Variants in PLCH1 observed in about 807,000 individuals in gnomAD.
The protein encoded by PLCH1 is phospholipase C eta 1.
In PLCH1, 60 loss-of-function variants were observed where a neutral mutation model predicts 126.7. That is an observed-to-expected ratio of 0.47 (90% CI 0.38 to 0.59). The LOEUF is 0.59. PLCH1 is among the 20% of genes least tolerant of loss of function. The pLI is 0.00. For missense variants in PLCH1, 1,723 were observed against 2,040.0 expected, an observed-to-expected ratio of 0.84 and a Z score of 2.99; for synonymous variants, 719 against 734.9, an observed-to-expected ratio of 0.98 and a Z score of 0.35.
At chr3:155,711,733 A>C (rs1228538851) in intron 1 of PLCH1, among the ~76,000 whole-genome samples, 1 of 149,110 alleles carries the variant, frequency 6.7e-6, no homozygotes, top group Non-Finnish European at 1.5e-5. Context: ...AGAGTATTGC[A>C]TCCACTAGGC....
chr3:155,460,823 TAG>T (rs1560028434), intron 21 of PLCH1, among the ~76,000 whole-genome samples: 7 of 151,434 alleles, frequency 4.6e-5, no homozygotes, highest in African/African-American at 1.7e-4. Context: ...GATAGATAGA[TAG>T]ATAGATAGAT....
At chr3:155,452,676 T>G (rs1302704592) in intron 21 of PLCH1, among the ~76,000 whole-genome samples, 6 of 152,138 alleles carry the variant, frequency 3.9e-5, no homozygotes, top group Non-Finnish European at 1.5e-5. Context: ...ATAATACTTT[T>G]GAACATTTTG....
rs1732970474 is a variant in PLCH1 at position 155,596,260 on chromosome 3, T to C, written c.198A>G (p.Arg66=). The change falls in exon 3 of 23, where the codon CGA becomes CGG. Residue 66 remains arginine (R), a synonymous_variant. Transcript: ENST00000460012. ...TTGCCTTCTCACTCTTCCTAGAGGG[T>C]CGCCATCGGAGGCGTGTCCGGTGCT... is the stretch of plus-strand genomic sequence containing the variant. ...LDEHRTRLRW[R]PSRKSEKAKI... The C allele has an allele frequency of 6.2e-7, 1 of 1,613,592 alleles. No homozygotes were observed. The highest frequency in any genetic ancestry group is 2.2e-5 in the East Asian group (1 of 44,882).
chr3:155,550,226 G>A (rs1725923999), intron 9 of PLCH1, among the ~76,000 whole-genome samples: 1 of 151,986 alleles, frequency 6.6e-6, no homozygotes, highest in Non-Finnish European at 1.5e-5. Flanking sequence ...AGGAAACAAT[G>A]GTAGATATAT....
At chr3:155,623,307 A>G (rs1459581821) in intron 2 of PLCH1, among the ~76,000 whole-genome samples, 1 of 152,246 alleles carries the variant, frequency 6.6e-6, no homozygotes, top group Non-Finnish European at 1.5e-5. Flanking sequence ...AAAGCAAGAA[A>G]GATCTAAAAT....
rs567350040 is a variant in PLCH1 at position 155,468,538 on chromosome 3, G to A, written c.2938+16818C>T. On this transcript the variant is annotated intron_variant, in intron 21 of 21. Coordinates refer to the PLCH1 transcript ENST00000494598. Reference sequence around the variant, plus strand: ...GGACACACATAGACTGAAAATAAACGGATGGAAAAAGGCATTCCATGCTAA... The same window carrying A: ...GGACACACATAGACTGAAAATAAACAGATGGAAAAAGGCATTCCATGCTAA... Among the ~76,000 whole-genome samples, 4 of 152,158 alleles carry A rather than the reference G, an allele frequency of 2.6e-5. No homozygotes were observed. The South Asian group carries it at 6.2e-4, about 24-fold the overall frequency.
chr3:155,471,815 T>C (rs1377203134), intron 21 of PLCH1, among the ~76,000 whole-genome samples: 2 of 152,104 alleles, frequency 1.3e-5, no homozygotes, highest in African/African-American at 2.4e-5. Context: ...AACAACCTGC[T>C]CATGAATAAC....
intron 10 of PLCH1, among the ~76,000 whole-genome samples, chr3:155,536,664 A>T (rs1723397689): frequency 1.3e-5 from 2 of 152,134 alleles, no homozygotes; most frequent in South Asian, 4.1e-4. Context: ...GCCTGGAAGA[A>T]GTTTGGGATT....
chr3:155,738,710 C>G (rs1326689792), intron 1 of PLCH1, among the ~76,000 whole-genome samples: 1 of 151,580 alleles, frequency 6.6e-6, no homozygotes, highest in Non-Finnish European at 1.5e-5. Context: ...TCGCTTGAAA[C>G]CGGGAGGCGG....
chr3:155,483,076 G>C lies in PLCH1; in HGVS notation c.2975-25C>G. On this transcript the variant is annotated intron_variant, in intron 22 of 22. Coordinates refer to ENST00000460012, the MANE Select transcript of PLCH1 (RefSeq NM_014996.4). Reference sequence around the variant, plus strand: ...GCTGAAGGAGACAAACAATATTTTAGGTGACATCTATCACTTTATGTAGGA... The same window carrying C: ...GCTGAAGGAGACAAACAATATTTTACGTGACATCTATCACTTTATGTAGGA... The C allele has an allele frequency of 6.3e-7, 1 of 1,597,170 alleles. No individual in the cohort carries two copies. The highest frequency in any genetic ancestry group is 1.1e-5 in the South Asian group (1 of 88,886).
intron 21 of PLCH1, chr3:155,457,493 T>C (rs1314889164): frequency 1.3e-5 from 2 of 152,194 alleles, no homozygotes; most frequent in Non-Finnish European, 2.9e-5. Context: ...AGCTACCTGA[T>C]TGCATGCCTC....
chr3:155,693,464 T>C (rs1577329591), intron 2 of PLCH1, among the ~76,000 whole-genome samples: 1 of 22,424 alleles, frequency 4.5e-5, no homozygotes, highest in South Asian at 3.9e-3. Context: ...AGAGCGAGAC[T>C]CCGTCTCAAA....
intron 1 of PLCH1, among the ~76,000 whole-genome samples, chr3:155,726,460 C>A (rs1748329164): frequency 6.6e-6 from 1 of 152,132 alleles, no homozygotes; most frequent in Non-Finnish European, 1.5e-5. Context: ...GTCTTTGAAG[C>A]TAAGCTTAAG....
intron 2 of PLCH1, among the ~76,000 whole-genome samples, chr3:155,637,848 A>G (rs990058009): frequency 1.3e-5 from 2 of 152,170 alleles, no homozygotes; most frequent in Non-Finnish European, 2.9e-5. Flanking sequence ...CCACCTCAAA[A>G]TGTATTCAAA....
At chr3:155,734,825 C>T (rs1749042872) in intron 1 of PLCH1, among the ~76,000 whole-genome samples, 1 of 151,844 alleles carries the variant, frequency 6.6e-6, no homozygotes, top group Non-Finnish European at 1.5e-5. Context: ...TCTCCTGCCT[C>T]AGCCTCCCCA....
intron 6 of PLCH1, among the ~76,000 whole-genome samples, chr3:155,570,695 C>T (rs1247270248): frequency 6.6e-6 from 1 of 152,110 alleles, no homozygotes; most frequent in African/African-American, 2.4e-5. Context: ...ATCAAAGTCA[C>T]AAAACTGTAA....
chr3:155,621,118 C>G (rs1403675141), intron 2 of PLCH1, among the ~76,000 whole-genome samples: 1 of 152,120 alleles, frequency 6.6e-6, no homozygotes, highest in Non-Finnish European at 1.5e-5. Flanking sequence ...ACCCAGGCAA[C>G]AGGGTCTGGA....
At chr3:155,603,040 T>A (rs4680198) in intron 2 of PLCH1, among the ~76,000 whole-genome samples, 30,958 of 152,058 alleles carry the variant, frequency 0.2, 4,062 homozygotes, top group African/African-American at 0.37. Context: ...TCATGACCAT[T>A]CGCCGAGATT....
chr3:155,716,343 C>A (rs62284696), intron 1 of PLCH1, among the ~76,000 whole-genome samples: 31,891 of 152,040 alleles, frequency 0.21, 3,411 homozygotes, highest in South Asian at 0.27. Context: ...TCATGTCTAT[C>A]AGCTCAAACT....
Sources: allele counts gnomAD v4.1 joint callset (sites outside exome capture counted in the v4.1 genomes callset), GRCh38; gene constraint gnomAD v4.1.1; transcripts MANE v1.5; gene names NCBI Gene and HGNC (gene_info 2026-07-23, HGNC 2026-07-21).